SYNE2: variants seen among roughly 807,000 people sequenced by gnomAD.
The protein encoded by SYNE2 is spectrin repeat containing nuclear envelope protein 2, also known as nesprin-2.
SYNE2 carries 431 observed loss-of-function variants against 856.3 expected under a neutral mutation model. That is an observed-to-expected ratio of 0.50 (90% CI 0.47 to 0.55). The LOEUF is 0.55. SYNE2 is among the 20% of genes least tolerant of loss of function. The pLI is 0.00. For synonymous variants in SYNE2, 2,923 were observed against 2,872.3 expected (o/e 1.02, Z -0.56); for missense variants, 8,129 against 8,023.2 (o/e 1.01, Z -0.50).
chr14:63,947,046 C>G (rs137909332), intron 6 of SYNE2, among the ~76,000 whole-genome samples: 1 of 152,046 alleles, frequency 6.6e-6, no homozygotes, highest in African/African-American at 2.4e-5. Context: ...GATGGGGTTT[C>G]GCCATGTTGG....
At chr14:63,990,751 T>C (rs2096660438) in intron 20 of SYNE2, among the ~76,000 whole-genome samples, 182 bp downstream of exon 20, 1 of 152,220 alleles carries the variant, frequency 6.6e-6, no homozygotes, top group African/African-American at 2.4e-5. Flanking sequence ...ATCATAAGTA[T>C]CATAGTATAT....
At chr14:64,012,410 A>G (rs925713266) in intron 32 of SYNE2, among the ~76,000 whole-genome samples, 2 of 152,216 alleles carry the variant, frequency 1.3e-5, no homozygotes, top group African/African-American at 4.8e-5. Context: ...GGGAGAAAAC[A>G]GAGACAAACA....
chr14:63,931,549 C>CAAAAAAAA (rs564187169), intron 2 of SYNE2, among the ~76,000 whole-genome samples: 1 of 88,778 alleles, frequency 1.1e-5, no homozygotes. Flanking sequence ...GACTCTGTCT[C>CAAAAAAAA]AAAAAAAAAA....
At position 64,098,048 on chromosome 14, in the gene SYNE2, C is replaced by G; in HGVS notation, c.12208C>G (p.His4070Asp). The change falls in exon 62 of 116, where the codon CAT becomes GAT. Residue 4070 changes from histidine to aspartate, a missense_variant. Around this residue, in one of 3 missense-constraint regions of SYNE2, gnomAD observed 5,410 missense variants for 5,284.8 expected, o/e 1.02. Coordinates refer to ENST00000555002, the MANE Select transcript of SYNE2 (RefSeq NM_182914.3). ...GGCCACCGTACTAAACCTTCACCAG[C>G]ATTTGAAGCAAGAACAAGAAGGAGT... The part of the protein sequence containing the change: ...LKATVLNLHQ[H>D]LKQEQEGVER... 6.2e-7 allele frequency: 1 copy of G among 1,614,204 alleles called. No homozygotes were observed. Among genetic ancestry groups the G allele is most frequent in the Non-Finnish European group, 8.5e-7 (1 of 1,180,032 alleles).
At chr14:64,003,527 A>G (rs2096771132) in intron 30 of SYNE2, among the ~76,000 whole-genome samples, 197 bp downstream of exon 30, 2 of 152,224 alleles carry the variant, frequency 1.3e-5, no homozygotes, top group Admixed American at 1.3e-4. Context: ...AAAACGTTGC[A>G]TAATTTTTTT....
rs1332587388 is a variant in SYNE2 at position 64,209,191 on chromosome 14, G to A, written c.18390-237G>A. Reference sequence around the variant, plus strand: ...CGCTGTGCTTCCGTTGACCTAGCTGGGCAGTAGTGGAGGCAGCCCTGTCTC... The same window carrying A: ...CGCTGTGCTTCCGTTGACCTAGCTGAGCAGTAGTGGAGGCAGCCCTGTCTC... On this transcript the variant is annotated intron_variant, in intron 101 of 115. Transcript: ENST00000555002. The A allele has an allele frequency of 2.5e-5, 20 of 815,910 alleles. No homozygotes were observed. In the Admixed American group the frequency reaches 4.4e-4, roughly 18 times the overall value. 50.5% of individuals were successfully genotyped at this position (815,910 alleles called of 1,614,324 possible).
At chr14:64,100,133 T>C (rs931786259) in intron 63 of SYNE2, 2 of 151,954 alleles carry the variant, frequency 1.3e-5, no homozygotes, top group Admixed American at 6.6e-5. Context: ...ATATACACCA[T>C]GGAATACTAT....
intron 99 of SYNE2, among the ~76,000 whole-genome samples, chr14:64,198,359 G>A (rs2098548622): frequency 6.6e-6 from 1 of 152,224 alleles, no homozygotes; most frequent in African/African-American, 2.4e-5. Context: ...CAACAATGTG[G>A]AGGTCAGTTG....
intron 112 of SYNE2, among the ~76,000 whole-genome samples, chr14:64,222,766 C>T (rs955316004): frequency 6.6e-6 from 1 of 151,988 alleles, no homozygotes; most frequent in Non-Finnish European, 1.5e-5. Flanking sequence ...GTCTAGTGGC[C>T]ATATTGCAAG....
Position 64,087,870 on chromosome 14 carries a change from A to G in SYNE2, c.11670+14A>G. On this transcript the variant is annotated intron_variant, in intron 58 of 115. Coordinates refer to ENST00000555002, the MANE Select transcript of SYNE2 (RefSeq NM_182914.3). ...CGAATGGCTGATGTAAGTTTGCACC[A>G]TTCATTTAATCATTCAGGATTAAAT... is the stretch of plus-strand genomic sequence containing the variant. 6 of 1,613,274 alleles carry G rather than the reference A, an allele frequency of 3.7e-6. No individual in the cohort carries two copies. Among genetic ancestry groups the G allele is most frequent in the Non-Finnish European group, 5.1e-6 (6 of 1,179,324 alleles).
At chr14:64,132,147 G>A (rs1054155177) in intron 76 of SYNE2, 118 bp from the exon 77 acceptor site, 8 of 1,216,436 alleles carry the variant, frequency 6.6e-6, no homozygotes, top group East Asian at 5.0e-5. Context: ...GACTCTACAC[G>A]GATGTCCTGG....
intron 67 of SYNE2, among the ~76,000 whole-genome samples, chr14:64,120,625 G>A (rs1270119836): frequency 3.9e-5 from 6 of 152,138 alleles, no homozygotes; most frequent in Non-Finnish European, 4.4e-5. Context: ...TTAGCTGGGT[G>A]TGGTGGGCAC....
chr14:63,810,695 T>G (rs1283398952), intron 1 of SYNE2, among the ~76,000 whole-genome samples: 1 of 152,242 alleles, frequency 6.6e-6, no homozygotes, highest in East Asian at 1.9e-4. Context: ...TTTAATATTT[T>G]GTTTTCCAGA....
intron 1 of SYNE2, among the ~76,000 whole-genome samples, chr14:63,895,349 T>C (rs1452032252): frequency 2.0e-5 from 3 of 151,778 alleles, no homozygotes; most frequent in Non-Finnish European, 1.5e-5. Flanking sequence ...GACCTTGTGA[T>C]CTGCCTGCCT....
In SYNE2 at chr14:64,137,909, G is replaced by A. The variant is rs769610562; in HGVS notation, c.14769G>A (p.Glu4923=). ...AGGGCCAGATCGCAAAACTGGAAGA[G>A]CAGTGGTTGTCCCTGAACAAGAAAA... ...ELEGQIAKLE[E]QWLSLNKKID... Residue 4923 remains glutamate, a synonymous_variant, in exon 79 of 116, where the codon GAG becomes GAA. Coordinates refer to ENST00000555002, the MANE Select transcript of SYNE2 (RefSeq NM_182914.3). 62 of 1,614,088 alleles carry A rather than the reference G, an allele frequency of 3.8e-5. 1 individual carries two copies. The South Asian group carries it at 6.6e-4, about 17-fold the overall frequency.
intron 14 of SYNE2, among the ~76,000 whole-genome samples, chr14:63,979,783 C>T (rs921288689): frequency 1.3e-5 from 2 of 152,136 alleles, no homozygotes; most frequent in Non-Finnish European, 2.9e-5. Flanking sequence ...ACCTGTAATA[C>T]CAGCTACTTG....
intron 1 of SYNE2, among the ~76,000 whole-genome samples, chr14:63,859,111 C>A (rs1326450243): frequency 6.6e-6 from 1 of 151,940 alleles, no homozygotes; most frequent in Non-Finnish European, 1.5e-5. Flanking sequence ...GCATTTGTTC[C>A]CAGCCATCTA....
chr14:63,846,861 T>A (rs1231855197), intron 1 of SYNE2, among the ~76,000 whole-genome samples: 1 of 152,122 alleles, frequency 6.6e-6, no homozygotes, highest in Non-Finnish European at 1.5e-5. Context: ...CCTCTCGAAG[T>A]GTTGGGATTA....
intron 7 of SYNE2, among the ~76,000 whole-genome samples, chr14:63,953,655 T>C (rs1331828750): frequency 6.6e-6 from 1 of 152,236 alleles, no homozygotes; most frequent in Admixed American, 6.5e-5. Context: ...TGGCACTAAC[T>C]ACATTCATAT....
Sources: allele counts gnomAD v4.1 joint callset (sites outside exome capture counted in the v4.1 genomes callset), GRCh38; gene constraint gnomAD v4.1.1; regional missense constraint gnomAD v4.1.1; transcripts MANE v1.5; gene names NCBI Gene and HGNC (gene_info 2026-07-23, HGNC 2026-07-21).